The following BRWD3 variants were observed in gnomAD, a reference collection of about 807,000 sequenced individuals.
BRWD3 encodes the protein bromodomain and WD repeat domain containing 3, also known as bromodomain and WD repeat-containing protein 3.
A neutral mutation model predicts 149.7 loss-of-function variants in BRWD3; 10 were observed. The ratio of observed to expected loss-of-function variants is 0.07; its 90% CI spans 0.04 to 0.11. BRWD3 has a LOEUF of 0.11. Ranked by LOEUF, BRWD3 falls within the 10% of genes least tolerant of loss-of-function variation. The pLI is 1.00. For missense variants in BRWD3, 940 were observed against 1,373.2 expected, an observed-to-expected ratio of 0.68 and a Z score of 4.99; for synonymous variants, 504 against 456.7, an observed-to-expected ratio of 1.10 and a Z score of -1.32.
chrX:80,734,580 C>T (rs2073376960), intron 10 of BRWD3, among the ~76,000 whole-genome samples: 1 of 110,941 alleles, frequency 9.0e-6, no homozygotes, highest in Admixed American at 9.7e-5. Context: ...AAGTCAACTG[C>T]TTTTGGGATG....
rs1434272560 is a variant in BRWD3, at chrX:80,670,461, G to C, written c.*6148C>G. ...ACTTGGAAAAAAAATGGATCCCCAG[G>C]CTGGAGTGCAGTGGCATGATCACAG... On this transcript the variant is annotated 3_prime_UTR_variant, in exon 41 of 41. Transcript: ENST00000373275. Among the ~76,000 whole-genome samples, 1 of 110,560 alleles carries C rather than the reference G, an allele frequency of 9.0e-6. No individual in the cohort carries two copies. The highest frequency in any genetic ancestry group is 1.9e-5 in the Non-Finnish European group (1 of 52,900).
At position 80,671,274 on chromosome X, in the gene BRWD3, A is replaced by T. The variant is rs772860615; in HGVS notation, c.*5335T>A. ...AGCAGCCCACATTTAAAGTGTAAAC[A>T]TCATATTTATTATCCTAAAAGTGAC... On this transcript the variant is annotated 3_prime_UTR_variant, in exon 41 of 41. Coordinates refer to ENST00000373275, the MANE Select transcript of BRWD3 (RefSeq NM_153252.5). The T allele has an allele frequency of 8.9e-6, 1 of 112,289 alleles. No individual in the cohort carries two copies. The highest frequency in any genetic ancestry group is 3.6e-4 in the South Asian group (1 of 2,744). The allele number at this position is 112,289 out of a possible 1,213,427, so 9.3% of individuals were successfully genotyped here.
chrX:80,740,768 T>TA (rs1167450573), intron 8 of BRWD3, among the ~76,000 whole-genome samples: 2 of 110,894 alleles, frequency 1.8e-5, no homozygotes, highest in Non-Finnish European at 3.8e-5. Context: ...CAAATTGAAA[T>TA]AAAAAATCAC....
intron 35 of BRWD3, among the ~76,000 whole-genome samples, chrX:80,686,383 G>T (rs905195214): frequency 7.4e-5 from 8 of 108,030 alleles, no homozygotes; most frequent in African/African-American, 2.7e-4. Flanking sequence ...TAACAAACCT[G>T]CACGTTGTGC....
intron 6 of BRWD3, among the ~76,000 whole-genome samples, chrX:80,771,282 C>T (rs751862617): frequency 8.0e-4 from 89 of 111,427 alleles, no homozygotes; most frequent in African/African-American, 2.8e-3. Flanking sequence ...AAAAAGAGCC[C>T]GCAATGCCAA....
intron 21 of BRWD3, 125 bp downstream of exon 21, chrX:80,709,303 A>G: frequency 1.9e-6 from 1 of 519,272 alleles, no homozygotes; most frequent in Non-Finnish European, 2.9e-6. Context: ...TTATTAATGA[A>G]CAAATCTCTT....
At chrX:80,725,578 C>T (rs1360202833) in intron 14 of BRWD3, among the ~76,000 whole-genome samples, 1 of 112,511 alleles carries the variant, frequency 8.9e-6, no homozygotes, top group Non-Finnish European at 1.9e-5. Flanking sequence ...CTGGAAAATA[C>T]ATTTCCTGCT....
chrX:80,693,216 T>C, intron 27 of BRWD3, among the ~76,000 whole-genome samples, 165 bp from the exon 28 acceptor site: 1 of 112,381 alleles, frequency 8.9e-6, no homozygotes, highest in South Asian at 3.7e-4. Flanking sequence ...TTAACCTCTT[T>C]ATGTATTTTG....
At chrX:80,729,378 A>G (rs777410358) in intron 13 of BRWD3, among the ~76,000 whole-genome samples, 1 of 111,449 alleles carries the variant, frequency 9.0e-6, no homozygotes, top group African/African-American at 3.2e-5. Context: ...TCTATATTGC[A>G]ACTAATGGAA....
At chrX:80,748,878 T>G in intron 6 of BRWD3, among the ~76,000 whole-genome samples, 1 of 111,456 alleles carries the variant, frequency 9.0e-6, no homozygotes, top group East Asian at 2.8e-4. Flanking sequence ...TCCGGGCTGT[T>G]TTTGCTGCAT....
Position 80,671,649 on chromosome X carries a change from T to A in BRWD3, c.*4960A>T. 1 of 112,333 alleles carries A rather than the reference T, an allele frequency of 8.9e-6. No homozygotes were observed. Among genetic ancestry groups the A allele is most frequent in the African/African-American group, 3.2e-5 (1 of 30,941 alleles). The allele number at this position is 112,333 out of a possible 1,213,427, so 9.3% of individuals were successfully genotyped here. A position where few individuals can be genotyped will look rare whatever the true frequency, so the allele number is the denominator to read the frequency against. The stretch of plus-strand genomic sequence containing the variant: ...GAAGATAATTGCTTATAATGACTGA[T>A]AACTGCCAAACAAAACATCTTTTAT... On this transcript the variant is annotated 3_prime_UTR_variant, in exon 41 of 41. Coordinates refer to ENST00000373275, the MANE Select transcript of BRWD3 (RefSeq NM_153252.5).
chrX:80,709,920 G>C, intron 20 of BRWD3: 2 of 841,027 alleles, frequency 2.4e-6, no homozygotes, highest in South Asian at 2.1e-5. Flanking sequence ...ACCTGTGCTG[G>C]AACCACATTT....
intron 27 of BRWD3, among the ~76,000 whole-genome samples, chrX:80,693,391 G>A (rs2072638285): frequency 9.0e-6 from 1 of 111,557 alleles, no homozygotes; most frequent in South Asian, 3.7e-4. Context: ...CTTCTATCTT[G>A]CTTTTAGCTT....
chrX:80,740,035 A>C (rs1355569582), intron 8 of BRWD3, among the ~76,000 whole-genome samples: 1 of 112,151 alleles, frequency 8.9e-6, no homozygotes, highest in African/African-American at 3.2e-5. Flanking sequence ...GTGAGATCAC[A>C]AGTAACTGAT....
intron 17 of BRWD3, among the ~76,000 whole-genome samples, chrX:80,720,193 T>G (rs2147750010): frequency 8.9e-6 from 1 of 111,839 alleles, no homozygotes; most frequent in Admixed American, 9.6e-5. Flanking sequence ...AATGTACTCC[T>G]TTTAATTATT....
In BRWD3 at chrX:80,733,482, A is replaced by G; in HGVS notation, c.1101T>C (p.Ala367=). 1 of 1,200,375 alleles carries G rather than the reference A, an allele frequency of 8.3e-7. No individual in the cohort carries two copies. Among genetic ancestry groups the G allele is most frequent in the Non-Finnish European group, 1.1e-6 (1 of 886,052 alleles). ...ELESHTDKVV[A]VQFCNNGDSL... ...TGTCTCCATTGTTACAGAACTGAAC[A>G]GCAACAACTTTATCCTAAGACATGA... The change falls in exon 12 of 41, where the codon GCT becomes GCC. Residue 367 remains alanine (A), a synonymous_variant. Transcript: ENST00000373275.
intron 4 of BRWD3, among the ~76,000 whole-genome samples, chrX:80,806,235 T>TA (rs1014803203): frequency 2.7e-5 from 3 of 110,183 alleles, no homozygotes; most frequent in Middle Eastern, 4.7e-3. Context: ...TCTGTGTACG[T>TA]AAAAAAAATA....
At chrX:80,709,311 C>T (rs1313231659) in intron 21 of BRWD3, 117 bp downstream of exon 21, 2 of 550,315 alleles carry the variant, frequency 3.6e-6, no homozygotes, top group Non-Finnish European at 5.5e-6. Flanking sequence ...GAACAAATCT[C>T]TTATAAGAAT....
chrX:80,709,056 CAT>C (rs1210599738), intron 21 of BRWD3, among the ~76,000 whole-genome samples: 2 of 111,455 alleles, frequency 1.8e-5, no homozygotes, highest in South Asian at 7.6e-4. Flanking sequence ...AATAACAAAA[CAT>C]GTGTACATTA....
Sources: gnomAD v4.1 joint callset for allele counts (sites outside exome capture counted in the v4.1 genomes callset) on GRCh38, gnomAD v4.1.1 for gene constraint, MANE v1.5 for transcripts, NCBI Gene and HGNC (gene_info 2026-07-23, HGNC 2026-07-21) for gene names.